IQCB1: variants seen among roughly 807,000 people sequenced by gnomAD.
IQCB1 encodes IQ motif containing B1, also known as IQ calmodulin-binding motif-containing protein 1.
A neutral mutation model predicts 84.4 loss-of-function variants in IQCB1; 56 were observed. The ratio of observed to expected loss-of-function variants is 0.66; its 90% CI spans 0.54 to 0.83. The LOEUF is 0.83. Ranked by LOEUF, IQCB1 falls within the 40% of genes least tolerant of loss-of-function variation. The pLI, the probability that IQCB1 is intolerant of heterozygous loss-of-function variation, is 0.00. For synonymous variants in IQCB1, 210 were observed against 234.8 expected (o/e 0.89, Z 0.96); for missense variants, 629 against 682.1 (o/e 0.92, Z 0.87).
chr3:121,794,339 A>G (rs187593733), intron 10 of IQCB1, among the ~76,000 whole-genome samples: 12 of 152,178 alleles, frequency 7.9e-5, no homozygotes, highest in Non-Finnish European at 1.3e-4. Flanking sequence ...AAAACTTTGT[A>G]TTATCTCAAA....
chr3:121,829,771 C>T (rs1259095093), intron 2 of IQCB1, among the ~76,000 whole-genome samples: 2 of 152,220 alleles, frequency 1.3e-5, no homozygotes, highest in African/African-American at 4.8e-5. Flanking sequence ...TGCTTTATTT[C>T]CCTTCACTGT....
At chr3:121,806,255 G>A (rs1044594633) in intron 7 of IQCB1, among the ~76,000 whole-genome samples, 1 of 152,042 alleles carries the variant, frequency 6.6e-6, no homozygotes, top group African/African-American at 2.4e-5. Flanking sequence ...ACTTGGATTA[G>A]TATGATTGCC....
At chr3:121,792,661 CAAAAAAA>C (rs56685889) in intron 10 of IQCB1, among the ~76,000 whole-genome samples, 2 of 76,216 alleles carry the variant, frequency 2.6e-5, no homozygotes, top group African/African-American at 1.0e-4. Context: ...GACTCCGTCT[CAAAAAAA>C]AAAAAAAAAA....
In IQCB1 at chr3:121,790,085, T is replaced by C. The variant is rs558527404; in HGVS notation, c.1117A>G (p.Ile373Val). The change falls in exon 11 of 15, where the codon ATA (isoleucine) becomes GTA (valine). Residue 373 changes from isoleucine to valine, a missense_variant. Transcript: ENST00000310864. The stretch of plus-strand genomic sequence containing the variant: ...TACTGCCACTCACCTGGATGAACTA[T>C]TTCGAGCATACTCAGCTGCAATTCT... ...SRELQLSMLEIVHPGQVEKHY... is the reference protein window; with the variant it reads ...SRELQLSMLEVVHPGQVEKHY... 5.0e-6 allele frequency: 8 copies of C among 1,613,660 alleles called. No homozygotes were observed. Among genetic ancestry groups the C allele is most frequent in the South Asian group, 1.1e-5 (1 of 91,072 alleles).
chr3:121,785,129 A>C (rs1359231942), intron 12 of IQCB1, among the ~76,000 whole-genome samples: 1 of 152,182 alleles, frequency 6.6e-6, no homozygotes, highest in East Asian at 1.9e-4. Context: ...CTGTTTTTGC[A>C]TCAAGTAAGA....
chr3:121,799,455 G>T, intron 7 of IQCB1, 81 bp from the exon 8 acceptor site: 1 of 851,544 alleles, frequency 1.2e-6, no homozygotes, highest in Non-Finnish European at 1.9e-6. Context: ...ATAAGATTCA[G>T]TAACTTGATG....
intron 5 of IQCB1, among the ~76,000 whole-genome samples, chr3:121,822,029 T>G (rs895815098): frequency 1.3e-5 from 2 of 152,216 alleles, no homozygotes; most frequent in Admixed American, 1.3e-4. Context: ...CTGACTGCCT[T>G]TGAGTTGGGA....
At chr3:121,828,703 G>T in intron 3 of IQCB1, 71 bp from the exon 4 acceptor site, 1 of 1,151,186 alleles carries the variant, frequency 8.7e-7, no homozygotes, top group Non-Finnish European at 1.3e-6. Flanking sequence ...ATTTTTATAT[G>T]TTGAATAATC....
chr3:121,819,026 C>T (rs547479701), intron 5 of IQCB1, among the ~76,000 whole-genome samples: 27 of 152,098 alleles, frequency 1.8e-4, no homozygotes, highest in African/African-American at 5.8e-4. Context: ...CACCAGGGAC[C>T]GGTTTCATGG....
chr3:121,825,509 G>GT (rs954589917), intron 5 of IQCB1, among the ~76,000 whole-genome samples: 1 of 152,064 alleles, frequency 6.6e-6, no homozygotes, highest in African/African-American at 2.4e-5. Flanking sequence ...TAACAATAAA[G>GT]TATCTAGTAG....
intron 5 of IQCB1, among the ~76,000 whole-genome samples, chr3:121,819,167 A>T (rs746036743): frequency 6.6e-6 from 1 of 152,002 alleles, no homozygotes; most frequent in Non-Finnish European, 1.5e-5. Context: ...TAATTATACA[A>T]CTCACCATAA....
chr3:121,772,448 G>C lies in IQCB1; in HGVS notation c.1567+109C>G, dbSNP rs1948037091. Reference sequence around the variant, plus strand: ...TCTATGTAGAAATTTCCTGAGGTTAGGGGATGAGCTAAAGATGCTTAGTAA... The same window carrying C: ...TCTATGTAGAAATTTCCTGAGGTTACGGGATGAGCTAAAGATGCTTAGTAA... On this transcript the variant is annotated intron_variant, in intron 14 of 14. Coordinates refer to ENST00000310864, the MANE Select transcript of IQCB1 (RefSeq NM_001023570.4). 3 of 1,076,214 alleles carry C rather than the reference G, an allele frequency of 2.8e-6. No individual in the cohort carries two copies. The Admixed American group carries it at 5.2e-5, about 19-fold the overall frequency. 66.7% of individuals were successfully genotyped at this position (1,076,214 alleles called of 1,614,324 possible). A position where few individuals can be genotyped will look rare whatever the true frequency, so the allele number is the denominator to read the frequency against.
intron 10 of IQCB1, among the ~76,000 whole-genome samples, chr3:121,794,463 G>T (rs1275024252): frequency 6.6e-6 from 1 of 152,090 alleles, no homozygotes; most frequent in East Asian, 1.9e-4. Flanking sequence ...CCAGTAAGCT[G>T]CTCAAGTGAG....
At chr3:121,804,186 A>G (rs1949520391) in intron 7 of IQCB1, among the ~76,000 whole-genome samples, 1 of 152,142 alleles carries the variant, frequency 6.6e-6, no homozygotes, top group Non-Finnish European at 1.5e-5. Flanking sequence ...ATAGTATAAG[A>G]GTCTTACATC....
chr3:121,794,172 A>G (rs1455570340), intron 10 of IQCB1, among the ~76,000 whole-genome samples: 4 of 152,094 alleles, frequency 2.6e-5, no homozygotes, highest in African/African-American at 9.7e-5. Context: ...TAGGCAATAA[A>G]CTTTGAGTAA....
At chr3:121,811,152 G>C (rs1327009356) in intron 5 of IQCB1, among the ~76,000 whole-genome samples, 3 of 152,086 alleles carry the variant, frequency 2.0e-5, no homozygotes, top group Non-Finnish European at 4.4e-5. Context: ...GAAGCAGAGT[G>C]GGGCATTGCC....
At position 121,826,090 on chromosome 3, in the gene IQCB1, C is replaced by A; in HGVS notation, c.354G>T (p.Leu118Phe). Residue 118 changes from leucine to phenylalanine, a missense_variant, in exon 5 of 15, where the codon TTG becomes TTT. Transcript: ENST00000310864. ...TAAAACATGTTTGTAATTGTCTCCC[C>A]AAAACTAGAAAATTTTCTGCAGCTG... is the stretch of plus-strand genomic sequence containing the variant. ...LPSAAENFLV[L>F]GRQLQTCFIN... 1 of 1,613,376 alleles carries A rather than the reference C, an allele frequency of 6.2e-7. No individual in the cohort carries two copies. The highest frequency in any genetic ancestry group is 1.1e-5 in the South Asian group (1 of 91,058).
chr3:121,792,505 C>T (rs1254233736), intron 10 of IQCB1, among the ~76,000 whole-genome samples: 1 of 142,152 alleles, frequency 7.0e-6, no homozygotes, highest in Non-Finnish European at 1.5e-5. Flanking sequence ...TAAAAAATAA[C>T]AAAAAAATTA....
intron 11 of IQCB1, 126 bp from the exon 12 acceptor site, chr3:121,788,558 C>T: frequency 1.0e-6 from 1 of 961,202 alleles, no homozygotes; most frequent in Non-Finnish European, 1.6e-6. Flanking sequence ...CACTAATTTT[C>T]CCAATTCTAC....
Sources: allele counts gnomAD v4.1 joint callset (sites outside exome capture counted in the v4.1 genomes callset), GRCh38; gene constraint gnomAD v4.1.1; transcripts MANE v1.5; gene names NCBI Gene and HGNC (gene_info 2026-07-23, HGNC 2026-07-21).